EXT1: variants seen among roughly 807,000 people sequenced by gnomAD.
The protein encoded by EXT1 is exostosin glycosyltransferase 1, also known as exostosin-1.
EXT1 carries 20 observed loss-of-function variants against 82.5 expected under a neutral mutation model. That is an observed-to-expected ratio of 0.24 (90% CI 0.17 to 0.35). The LOEUF is 0.35. EXT1 is among the 10% of genes least tolerant of loss of function. EXT1 has a pLI of 1.00. For synonymous variants in EXT1, 348 were observed against 350.8 expected, an observed-to-expected ratio of 0.99 and a Z score of 0.09; for missense variants, 757 against 936.5, an observed-to-expected ratio of 0.81 and a Z score of 2.50.
At chr8:118,083,962 G>C (rs984905669) in intron 1 of EXT1, among the ~76,000 whole-genome samples, 3 of 152,180 alleles carry the variant, frequency 2.0e-5, no homozygotes, top group African/African-American at 7.2e-5. Flanking sequence ...CCGGGAGGCA[G>C]AGGCTGTAGT....
intron 1 of EXT1, among the ~76,000 whole-genome samples, chr8:118,007,817 T>A (rs760609029): frequency 6.6e-6 from 1 of 152,126 alleles, no homozygotes; most frequent in Non-Finnish European, 1.5e-5. Context: ...AAGTGTAATA[T>A]GCTTCAGTTG....
Position 117,799,873 on chromosome 8 carries a change from C to G in EXT1, c.2080G>C (p.Asp694His). The G allele has an allele frequency of 6.2e-7, 1 of 1,614,058 alleles. No individual in the cohort carries two copies. Among genetic ancestry groups the G allele is most frequent in the Non-Finnish European group, 8.5e-7 (1 of 1,180,040 alleles). Residue 694 changes from aspartate (D) to histidine (H), a missense_variant, in exon 11 of 11, where the codon GAC becomes CAC. Asp to His is a moderately conservative substitution (Grantham distance 81). This residue lies in a region of EXT1 where 128 missense variants were observed against 223.2 expected (regional missense o/e 0.57). Coordinates refer to ENST00000378204, the MANE Select transcript of EXT1 (RefSeq NM_000127.3). ...GQTSRASRWA[D>H]PDHFAQRQSC... The stretch of plus-strand genomic sequence containing the variant: ...TGTCGCTGGGCAAAGTGGTCAGGGT[C>G]AGCCCAACGGGAAGCCCGAGAAGTC...
intron 1 of EXT1, among the ~76,000 whole-genome samples, chr8:117,975,858 C>T (rs1815053569): frequency 6.6e-6 from 1 of 152,166 alleles, no homozygotes; most frequent in Non-Finnish European, 1.5e-5. Flanking sequence ...TTGTCATCTG[C>T]AGTTCAATGT....
chr8:117,824,314 C>CT, intron 4 of EXT1, among the ~76,000 whole-genome samples: 1 of 152,248 alleles, frequency 6.6e-6, no homozygotes, highest in African/African-American at 2.4e-5. Context: ...CATAGACTAT[C>CT]TTTTTGGTTC....
intron 1 of EXT1, among the ~76,000 whole-genome samples, chr8:117,954,158 T>C (rs554956991): frequency 1.1e-4 from 17 of 152,180 alleles, no homozygotes; most frequent in Non-Finnish European, 2.2e-4. Flanking sequence ...CAGGGGCTGT[T>C]TGCTTGACCC....
chr8:118,089,570 G>A (rs922736977), intron 1 of EXT1, among the ~76,000 whole-genome samples: 1 of 152,194 alleles, frequency 6.6e-6, no homozygotes, highest in Non-Finnish European at 1.5e-5. Context: ...GGAAACAAAT[G>A]ATAGGGAACT....
chr8:117,989,844 C>CA (rs796829051), intron 1 of EXT1, among the ~76,000 whole-genome samples: 7 of 151,892 alleles, frequency 4.6e-5, no homozygotes, highest in Admixed American at 4.6e-4. Context: ...GCAACTATGC[C>CA]AAAAAAACAA....
At chr8:118,054,660 TA>T (rs1816767413) in intron 1 of EXT1, among the ~76,000 whole-genome samples, 1 of 152,174 alleles carries the variant, frequency 6.6e-6, no homozygotes, top group Non-Finnish European at 1.5e-5. Flanking sequence ...TCAAAAGCTT[TA>T]ACCCAAGGAG....
At chr8:117,860,408 T>C (rs1027770087) in intron 1 of EXT1, among the ~76,000 whole-genome samples, 2 of 152,148 alleles carry the variant, frequency 1.3e-5, no homozygotes, top group East Asian at 1.9e-4. Context: ...GGGTACAATG[T>C]CCACTATTCA....
At chr8:117,970,335 A>C in intron 1 of EXT1, among the ~76,000 whole-genome samples, 1 of 145,560 alleles carries the variant, frequency 6.9e-6, no homozygotes, top group Admixed American at 6.9e-5. Context: ...ACGGAGTCTC[A>C]CTCTGTCACA....
chr8:117,805,001 T>C lies in EXT1; in HGVS notation c.1884-108A>G, dbSNP rs1823216854. Reference sequence around the variant, plus strand: ...ATTCTTTGAATCCCTAAACATGTCATGAATGGTAATGATAATGATGATGAT... The same window carrying C: ...ATTCTTTGAATCCCTAAACATGTCACGAATGGTAATGATAATGATGATGAT... On this transcript the variant is annotated intron_variant, in intron 9 of 10. Coordinates refer to ENST00000378204, the MANE Select transcript of EXT1 (RefSeq NM_000127.3). 6.4e-6 allele frequency: 6 copies of C among 934,618 alleles called. No homozygotes were observed. The Admixed American group carries it at 1.1e-4, about 18-fold the overall frequency. The allele number at this position is 934,618 out of a possible 1,614,324, so 57.9% of individuals were successfully genotyped here.
intron 1 of EXT1, among the ~76,000 whole-genome samples, chr8:118,051,642 A>G (rs1450977557): frequency 6.6e-6 from 1 of 152,136 alleles, no homozygotes; most frequent in African/African-American, 2.4e-5. Context: ...CTAATTTTAG[A>G]GTATGGAGGT....
intron 1 of EXT1, among the ~76,000 whole-genome samples, chr8:118,051,076 C>T (rs575444187): frequency 4.6e-5 from 7 of 152,300 alleles, no homozygotes; most frequent in African/African-American, 1.2e-4. Flanking sequence ...TGGCTCACGT[C>T]TATAATCCCA....
chr8:118,037,036 C>G (rs1816431982), intron 1 of EXT1, among the ~76,000 whole-genome samples: 1 of 152,182 alleles, frequency 6.6e-6, no homozygotes, highest in South Asian at 2.1e-4. Context: ...CAGGTATACT[C>G]AAGCAAGAGT....
intron 1 of EXT1, among the ~76,000 whole-genome samples, chr8:118,104,825 T>G (rs1360002627): frequency 6.6e-6 from 1 of 152,228 alleles, no homozygotes; most frequent in Admixed American, 6.5e-5. Flanking sequence ...CATGGAAACA[T>G]AAGCTTCTGT....
intron 1 of EXT1, among the ~76,000 whole-genome samples, chr8:117,924,577 T>C (rs1813918927): frequency 6.6e-6 from 1 of 152,196 alleles, no homozygotes; most frequent in African/African-American, 2.4e-5. Flanking sequence ...CTTGGTTACA[T>C]CATCGTGCGA....
chr8:117,820,475 G>C (rs1035005843), intron 5 of EXT1, among the ~76,000 whole-genome samples: 7 of 152,152 alleles, frequency 4.6e-5, no homozygotes, highest in African/African-American at 1.4e-4. Context: ...GATCACTTGA[G>C]ACCAGCAGTT....
At chr8:117,861,402 C>T (rs1421351240) in intron 1 of EXT1, among the ~76,000 whole-genome samples, 1 of 151,162 alleles carries the variant, frequency 6.6e-6, no homozygotes, top group South Asian at 2.1e-4. Context: ...ACTTATTGAG[C>T]TTTATGAGGC....
intron 1 of EXT1, among the ~76,000 whole-genome samples, chr8:118,037,881 C>A (rs1816454711): frequency 7.1e-6 from 1 of 141,142 alleles, no homozygotes; most frequent in Non-Finnish European, 1.5e-5. Context: ...ACTCTTGTCG[C>A]CCAGACTGCA....
Sources: gnomAD v4.1 joint callset for allele counts (sites outside exome capture counted in the v4.1 genomes callset) on GRCh38, gnomAD v4.1.1 for gene constraint, gnomAD v4.1.1 regional missense constraint, MANE v1.5 for transcripts, NCBI Gene and HGNC (gene_info 2026-07-23, HGNC 2026-07-21) for gene names.